Variants in PIK3CB observed in about 807,000 individuals in gnomAD.
The protein encoded by PIK3CB is phosphatidylinositol 4,5-bisphosphate 3-kinase catalytic subunit beta isoform.
A neutral mutation model predicts 136.8 loss-of-function variants in PIK3CB; 39 were observed. The observed-to-expected ratio is 0.29, with a 90% CI of 0.22 to 0.37. PIK3CB has a LOEUF of 0.37. Ranked by LOEUF, PIK3CB falls within the 10% of genes least tolerant of loss-of-function variation. The pLI is 1.00. For missense variants in PIK3CB, 868 were observed against 1,275.4 expected (o/e 0.68, Z 4.87); for synonymous variants, 428 against 436.6 (o/e 0.98, Z 0.25).
At chr3:138,722,185 A>G (rs1360717624) in intron 8 of PIK3CB, among the ~76,000 whole-genome samples, 14 of 147,442 alleles carry the variant, frequency 9.5e-5, no homozygotes, top group African/African-American at 3.3e-4. Context: ...TTTTTTTTAA[A>G]GTCAAAACTG....
chr3:138,785,278 G>C (rs1358859833), intron 2 of PIK3CB, among the ~76,000 whole-genome samples: 4 of 150,218 alleles, frequency 2.7e-5, no homozygotes, highest in African/African-American at 9.8e-5. Flanking sequence ...TCCAGGAGGT[G>C]GGGGGGCGCC....
At chr3:138,791,073 G>C (rs898975378) in intron 2 of PIK3CB, among the ~76,000 whole-genome samples, 24 of 151,942 alleles carry the variant, frequency 1.6e-4, no homozygotes, top group African/African-American at 5.1e-4. Context: ...CCTCCCTGTG[G>C]TGTTCAAAAA....
At position 138,681,965 on chromosome 3, in the gene PIK3CB, A is replaced by G. The variant is rs2108480536; in HGVS notation, c.2504+2T>C. ...GAAAAAAAAAAAAAGACTAGATCTCACCGAAGATCCAAACCAGCTTCTTTC... is the reference window on the plus strand; with the variant it reads ...GAAAAAAAAAAAAAGACTAGATCTCGCCGAAGATCCAAACCAGCTTCTTTC... On this transcript the variant is annotated splice_donor_variant, in intron 19 of 23. Coordinates refer to ENST00000674063, the MANE Select transcript of PIK3CB (RefSeq NM_006219.3). LOFTEE classifies it high-confidence loss of function. 6.3e-7 allele frequency: 1 copy of G among 1,587,958 alleles called. No individual in the cohort carries two copies. Among genetic ancestry groups the G allele is most frequent in the Non-Finnish European group, 8.6e-7 (1 of 1,166,306 alleles).
intron 2 of PIK3CB, among the ~76,000 whole-genome samples, chr3:138,786,565 C>T (rs1358283565): frequency 1.3e-5 from 2 of 152,108 alleles, no homozygotes; most frequent in East Asian, 1.9e-4. Flanking sequence ...AGGCTGGTCT[C>T]GAACTCCTCA....
intron 20 of PIK3CB, 41 bp downstream of exon 20, chr3:138,664,995 T>A (rs765834826): frequency 1.4e-6 from 2 of 1,424,290 alleles, no homozygotes; most frequent in South Asian, 2.7e-5. Context: ...TTTGTTTGGC[T>A]GTTTGTACAG....
intron 2 of PIK3CB, among the ~76,000 whole-genome samples, chr3:138,777,260 T>C (rs2045869387): frequency 6.6e-6 from 1 of 152,170 alleles, no homozygotes; most frequent in Non-Finnish European, 1.5e-5. Flanking sequence ...GAATATGGCT[T>C]CAGTGATGGC....
chr3:138,701,659 C>A (rs1399392885), intron 12 of PIK3CB, among the ~76,000 whole-genome samples: 3 of 151,710 alleles, frequency 2.0e-5, no homozygotes, highest in African/African-American at 7.3e-5. Context: ...GTGGCGCATG[C>A]CTGTAGTCCC....
chr3:138,792,054 G>A (rs1336943238), intron 2 of PIK3CB, among the ~76,000 whole-genome samples: 1 of 152,122 alleles, frequency 6.6e-6, no homozygotes, highest in African/African-American at 2.4e-5. Context: ...GCGGGGCCAG[G>A]CCTGGTGGTG....
At chr3:138,673,469 G>A (rs976541580) in intron 19 of PIK3CB, among the ~76,000 whole-genome samples, 3 of 151,918 alleles carry the variant, frequency 2.0e-5, no homozygotes, top group Admixed American at 1.3e-4. Flanking sequence ...TTTAAAAACC[G>A]AGACTAGAAG....
intron 2 of PIK3CB, among the ~76,000 whole-genome samples, chr3:138,765,503 C>G (rs1382191696): frequency 6.6e-6 from 1 of 151,920 alleles, no homozygotes; most frequent in Non-Finnish European, 1.5e-5. Context: ...TTTACCAATA[C>G]ATAGATAAAA....
chr3:138,715,194 A>G (rs1469476328), intron 8 of PIK3CB, among the ~76,000 whole-genome samples: 1 of 152,226 alleles, frequency 6.6e-6, no homozygotes, highest in East Asian at 1.9e-4. Flanking sequence ...AATTTGTCAT[A>G]CTAAGTCAAG....
rs907416790 is a variant in PIK3CB, at chr3:138,768,458, A to G, written c.-16-9099T>C. 2.0e-5 allele frequency among the ~76,000 whole-genome samples: 3 copies of G among 152,168 alleles called. No homozygotes were observed. In the South Asian group the frequency reaches 6.2e-4, roughly 32 times the overall value. Reference sequence around the variant, plus strand: ...CCTCAGGGAGAAGGAAGTGTGTGCCAACTGGTCCACAGGCAGCCATGGGCA... The same window carrying G: ...CCTCAGGGAGAAGGAAGTGTGTGCCGACTGGTCCACAGGCAGCCATGGGCA... On this transcript the variant is annotated intron_variant, in intron 2 of 23. Transcript: ENST00000674063.
chr3:138,656,387 T>C (rs2043192328), intron 22 of PIK3CB, 113 bp from the exon 23 acceptor site: 2 of 1,128,856 alleles, frequency 1.8e-6, no homozygotes, highest in Non-Finnish European at 2.5e-6. Context: ...AGAAAATTCC[T>C]ACTGAACTAA....
At chr3:138,674,526 C>T (rs918863711) in intron 19 of PIK3CB, among the ~76,000 whole-genome samples, 5 of 151,960 alleles carry the variant, frequency 3.3e-5, no homozygotes, top group African/African-American at 9.7e-5. Flanking sequence ...ACAGCCACAA[C>T]GACAAATCCT....
At position 138,688,914 on chromosome 3, in the gene PIK3CB, G is replaced by A. The variant is rs540780134; in HGVS notation, c.2097C>T (p.Cys699=). Residue 699 remains cysteine, a synonymous_variant, in exon 16 of 24, where the codon TGC becomes TGT. Coordinates refer to ENST00000674063, the MANE Select transcript of PIK3CB (RefSeq NM_006219.3). ...VQFGVILEAY[C]RGSVGHMKVL... is the part of the protein sequence containing the mutation. ...CTTTCATGTGCCCCACACTTCCCCG[G>A]CAGTATGCTTCAAGGATGACACCAA... 4 of 1,613,560 alleles carry A rather than the reference G, an allele frequency of 2.5e-6. No individual in the cohort carries two copies. Among genetic ancestry groups the A allele is most frequent in the Admixed American group, 3.3e-5 (2 of 60,018 alleles).
At chr3:138,705,847 G>A (rs1028256776) in intron 11 of PIK3CB, among the ~76,000 whole-genome samples, 1 of 152,092 alleles carries the variant, frequency 6.6e-6, no homozygotes, top group African/African-American at 2.4e-5. Context: ...GAAATTCCTG[G>A]GCTAAAGTAG....
At position 138,809,277 on chromosome 3, in the gene PIK3CB, C is replaced by CA. The variant is rs199881045; in HGVS notation, c.-121-12711dup. On this transcript the variant is annotated intron_variant, in intron 1 of 23. Coordinates refer to ENST00000674063, the MANE Select transcript of PIK3CB (RefSeq NM_006219.3). ...TGGGAGACAGAGTGAGATTCTGTCT[C>CA]AAAAAAAAACTTACAACTTCTGTGA... Among the ~76,000 whole-genome samples the CA allele has an allele frequency of 3.4e-3, 494 of 146,314 alleles. 5 individuals carry two copies. Among genetic ancestry groups the CA allele is most frequent in the African/African-American group, 0.011 (446 of 39,676 alleles).
intron 2 of PIK3CB, among the ~76,000 whole-genome samples, chr3:138,762,897 T>C (rs1204507224): frequency 2.7e-5 from 4 of 150,668 alleles, no homozygotes; most frequent in African/African-American, 7.3e-5. Context: ...AGGGTGGAGG[T>C]TGCAGTGGGC....
At chr3:138,814,675 G>A (rs1311886300) in intron 1 of PIK3CB, among the ~76,000 whole-genome samples, 2 of 151,720 alleles carry the variant, frequency 1.3e-5, no homozygotes, top group African/African-American at 4.8e-5. Context: ...CCACATATAT[G>A]TTCCAAAGGT....
Sources: gnomAD v4.1 joint callset for allele counts (sites outside exome capture counted in the v4.1 genomes callset) on GRCh38, gnomAD v4.1.1 for gene constraint, MANE v1.5 for transcripts, NCBI Gene and HGNC (gene_info 2026-07-23, HGNC 2026-07-21) for gene names.